Variants in GRIK1 observed in about 807,000 individuals in gnomAD.
GRIK1 encodes the protein glutamate ionotropic receptor kainate type subunit 1.
GRIK1 carries 69 observed loss-of-function variants against 105.7 expected under a neutral mutation model. The ratio of observed to expected loss-of-function variants is 0.65; its 90% confidence interval spans 0.54 to 0.80. The LOEUF (loss-of-function observed/expected upper bound fraction) is 0.80. Ranked by LOEUF, GRIK1 falls within the 30% of genes least tolerant of loss-of-function variation. The probability of loss-of-function intolerance (pLI) is 0.00; values close to 1 mark genes in which losing one functional copy is unlikely to be tolerated. For synonymous variants in GRIK1, 438 were observed against 431.3 expected (o/e 1.02, Z -0.19); for missense variants, 1,109 against 1,167.3 (o/e 0.95, Z 0.73).
chr21:29,633,240 G>A (rs1480320210), intron 7 of GRIK1, among the ~76,000 whole-genome samples: 1 of 138,640 alleles, frequency 7.2e-6, no homozygotes, highest in African/African-American at 3.0e-5. Context: ...CGTGGCTTAC[G>A]CCTGTAATCT....
At chr21:29,633,742 T>A (rs1194733815) in intron 7 of GRIK1, among the ~76,000 whole-genome samples, 1 of 152,160 alleles carries the variant, frequency 6.6e-6, no homozygotes, top group Non-Finnish European at 1.5e-5. Flanking sequence ...TAGGTCTAAA[T>A]ATCCTAAATG....
intron 1 of GRIK1, among the ~76,000 whole-genome samples, chr21:29,818,394 C>T (rs1356884595): frequency 6.6e-6 from 1 of 152,074 alleles, no homozygotes; most frequent in African/African-American, 2.4e-5. Flanking sequence ...CTTCTAGATT[C>T]TTAGCCCTGT....
chr21:29,701,334 A>C (rs2063808555), intron 1 of GRIK1, among the ~76,000 whole-genome samples: 2 of 152,220 alleles, frequency 1.3e-5, no homozygotes, highest in Admixed American at 6.5e-5. Context: ...ACTTTTGAGC[A>C]AAAGCCTAAA....
chr21:29,739,584 C>T (rs2064876437), intron 1 of GRIK1, among the ~76,000 whole-genome samples: 1 of 152,174 alleles, frequency 6.6e-6, no homozygotes, highest in African/African-American at 2.4e-5. Context: ...AGTAAAGGAA[C>T]ATCGTGCATT....
At chr21:29,684,118 T>C (rs892394040) in intron 3 of GRIK1, among the ~76,000 whole-genome samples, 21 of 152,212 alleles carry the variant, frequency 1.4e-4, no homozygotes, top group Admixed American at 9.8e-4. Flanking sequence ...CTACTAAATA[T>C]TTACTATATA....
chr21:29,892,822 CCA>C (rs1341683901), intron 1 of GRIK1, among the ~76,000 whole-genome samples: 2 of 152,216 alleles, frequency 1.3e-5, no homozygotes, highest in African/African-American at 4.8e-5. Context: ...TATGTGAACT[CCA>C]GCAAAGTATT....
intron 12 of GRIK1, among the ~76,000 whole-genome samples, chr21:29,586,513 G>A (rs755829837): frequency 6.6e-6 from 1 of 152,200 alleles, no homozygotes; most frequent in Non-Finnish European, 1.5e-5. Context: ...AAAGTTCACT[G>A]AGTTTTGTTG....
intron 1 of GRIK1, among the ~76,000 whole-genome samples, chr21:29,784,026 G>C (rs754172563): frequency 6.6e-6 from 1 of 152,062 alleles, no homozygotes; most frequent in African/African-American, 2.4e-5. Flanking sequence ...TGTGCCTCCC[G>C]GGTTCACGCC....
In GRIK1 at chr21:29,916,901, T is replaced by C. The variant is rs575492259; in HGVS notation, c.118+22482A>G. ...ATTTGTTTACTGATGACATGAAACATACATGAATATATCTTTTATGTAACA... is the reference window on the plus strand; with the variant it reads ...ATTTGTTTACTGATGACATGAAACACACATGAATATATCTTTTATGTAACA... On this transcript the variant is annotated intron_variant, in intron 1 of 17. Transcript: ENST00000327783. 7.8e-4 allele frequency among the ~76,000 whole-genome samples: 118 copies of C among 152,096 alleles called. 1 individual carries two copies. Among genetic ancestry groups the C allele is most frequent in the Non-Finnish European group, 1.2e-3 (83 of 67,902 alleles).
chr21:29,704,010 C>T (rs191332710), intron 1 of GRIK1, among the ~76,000 whole-genome samples: 19 of 152,198 alleles, frequency 1.2e-4, no homozygotes, highest in Non-Finnish European at 2.1e-4. Flanking sequence ...AGAGAAAGGC[C>T]GTGGATTATG....
chr21:29,604,781 T>C (rs1319681651), intron 7 of GRIK1, among the ~76,000 whole-genome samples: 1 of 152,166 alleles, frequency 6.6e-6, no homozygotes, highest in African/African-American at 2.4e-5. Context: ...AAATCAAATA[T>C]TGTGAGTTTT....
chr21:29,593,011 T>C (rs1472594216), intron 9 of GRIK1, among the ~76,000 whole-genome samples: 1 of 152,232 alleles, frequency 6.6e-6, no homozygotes, highest in African/African-American at 2.4e-5. Context: ...TGACTCTGAT[T>C]TATTGCCTAT....
chr21:29,896,763 G>T (rs577178625), intron 1 of GRIK1, among the ~76,000 whole-genome samples: 433 of 152,248 alleles, frequency 2.8e-3, no homozygotes, highest in Non-Finnish European at 5.0e-3. Flanking sequence ...TTAGCTACTT[G>T]GGTCACTATT....
chr21:29,574,855 T>C (rs1385177967), intron 14 of GRIK1, among the ~76,000 whole-genome samples: 1 of 149,774 alleles, frequency 6.7e-6, no homozygotes, highest in African/African-American at 2.5e-5. Context: ...GCCCGGCTAA[T>C]ATTTTTGTAT....
chr21:29,570,384 C>A (rs2090713570), intron 14 of GRIK1, among the ~76,000 whole-genome samples: 1 of 151,982 alleles, frequency 6.6e-6, no homozygotes. Context: ...CGCCTGTAAT[C>A]CCAGCTACTC....
At chr21:29,800,670 C>T (rs898292019) in intron 1 of GRIK1, among the ~76,000 whole-genome samples, 6 of 152,202 alleles carry the variant, frequency 3.9e-5, no homozygotes, top group African/African-American at 1.4e-4. Flanking sequence ...ACGCATTAGG[C>T]TTTTGATGAA....
At chr21:29,795,632 T>C (rs2066534745) in intron 1 of GRIK1, among the ~76,000 whole-genome samples, 1 of 152,240 alleles carries the variant, frequency 6.6e-6, no homozygotes, top group African/African-American at 2.4e-5. Context: ...ATGCTAATAA[T>C]TTCAACAGTC....
intron 9 of GRIK1, among the ~76,000 whole-genome samples, chr21:29,591,580 T>A (rs374729344): frequency 3.9e-5 from 6 of 152,346 alleles, no homozygotes; most frequent in African/African-American, 1.4e-4. Context: ...CAGGCACTGC[T>A]CTAGGCATCT....
At chr21:29,864,791 T>C (rs1449838542) in intron 1 of GRIK1, among the ~76,000 whole-genome samples, 1 of 152,218 alleles carries the variant, frequency 6.6e-6, no homozygotes, top group Non-Finnish European at 1.5e-5. Context: ...CTAGAAGCTC[T>C]GTCAGCCTGT....
Sources: allele counts gnomAD v4.1 joint callset (sites outside exome capture counted in the v4.1 genomes callset), GRCh38; gene constraint gnomAD v4.1.1; transcripts MANE v1.5; gene names NCBI Gene and HGNC (gene_info 2026-07-23, HGNC 2026-07-21).